ROBO2: variants seen among roughly 807,000 people sequenced by gnomAD.
ROBO2 encodes roundabout homolog 2.
ROBO2 carries 53 observed loss-of-function variants against 160.8 expected under a neutral mutation model. The observed-to-expected ratio is 0.33, with a 90% CI of 0.26 to 0.41. The LOEUF (loss-of-function observed/expected upper bound fraction) is 0.41. ROBO2 is among the 10% of genes least tolerant of loss of function. The pLI is 1.00. For missense variants in ROBO2, 1,577 were observed against 1,722.4 expected (o/e 0.92, Z 1.49); for synonymous variants, 664 against 611.7 (o/e 1.09, Z -1.26).
rs560339308 is a variant in ROBO2 at position 76,760,061 on chromosome 3, G to A, written c.110-337953G>A. On this transcript the variant is annotated intron_variant, in intron 2 of 26. Transcript: ENST00000487694. ...TTGATGAATATGATTTCAAGGAAGT[G>A]GTATGTGAAGCAAAAGAGTGGAGAA... Among the ~76,000 whole-genome samples, 11 of 151,844 alleles carry A rather than the reference G, an allele frequency of 7.2e-5. No homozygotes were observed. The South Asian group carries it at 2.3e-3, about 31-fold the overall frequency.
intron 18 of ROBO2, 89 bp from the exon 20 acceptor site, chr3:77,596,534 C>A: frequency 6.6e-7 from 1 of 1,512,600 alleles, no homozygotes; most frequent in Non-Finnish European, 9.2e-7. Context: ...GAAAATCTTC[C>A]ATTTCTTAAC....
At chr3:77,029,428 A>G (rs2149543913) in intron 2 of ROBO2, among the ~76,000 whole-genome samples, 1 of 152,358 alleles carries the variant, frequency 6.6e-6, no homozygotes, top group African/African-American at 2.4e-5. Flanking sequence ...ATTTTAAAAC[A>G]GGAAAGCTGT....
chr3:76,246,961 A>C (rs527414582), intron 2 of ROBO2, among the ~76,000 whole-genome samples: 19 of 152,278 alleles, frequency 1.2e-4, no homozygotes, highest in African/African-American at 4.6e-4. Context: ...GTAAATTATC[A>C]GGCCTGGAAC....
chr3:76,009,594 C>T (rs556380182), intron 2 of ROBO2, among the ~76,000 whole-genome samples: 1 of 152,138 alleles, frequency 6.6e-6, no homozygotes, highest in South Asian at 2.1e-4. Flanking sequence ...TTTCAGAAAA[C>T]TCAGTCTAGA....
At chr3:76,905,835 C>A (rs1243529790) in intron 2 of ROBO2, among the ~76,000 whole-genome samples, 2 of 152,158 alleles carry the variant, frequency 1.3e-5, no homozygotes, top group Non-Finnish European at 2.9e-5. Flanking sequence ...CCTTTAAAGA[C>A]TTTGATGTAA....
intron 2 of ROBO2, among the ~76,000 whole-genome samples, chr3:77,004,854 T>C (rs2061499920): frequency 6.6e-6 from 1 of 152,176 alleles, no homozygotes; most frequent in Admixed American, 6.5e-5. Flanking sequence ...GTCCCCATCT[T>C]AGACATTTCA....
intron 2 of ROBO2, among the ~76,000 whole-genome samples, chr3:77,230,096 GT>G (rs531019924): frequency 1.0e-4 from 15 of 146,608 alleles, no homozygotes; most frequent in East Asian, 7.9e-4. Context: ...ATGCTAGACA[GT>G]TTTTTTTTTT....
chr3:76,372,843 C>A (rs948681544), intron 2 of ROBO2, among the ~76,000 whole-genome samples: 10 of 151,882 alleles, frequency 6.6e-5, no homozygotes, highest in African/African-American at 2.2e-4. Context: ...AACCCTTCCC[C>A]AGCCTCACCA....
intron 2 of ROBO2, among the ~76,000 whole-genome samples, chr3:77,352,179 T>A (rs2068441148): frequency 6.6e-6 from 1 of 151,120 alleles, no homozygotes; most frequent in Admixed American, 6.6e-5. Flanking sequence ...TTAAACTCGG[T>A]GCAAACCACT....
intron 2 of ROBO2, among the ~76,000 whole-genome samples, chr3:76,176,455 A>G (rs752886899): frequency 6.6e-6 from 1 of 152,188 alleles, no homozygotes; most frequent in African/African-American, 2.4e-5. Flanking sequence ...GTAGCACATG[A>G]TAAACTTCTA....
chr3:76,689,341 C>A (rs986166211), intron 2 of ROBO2, among the ~76,000 whole-genome samples: 30 of 151,978 alleles, frequency 2.0e-4, no homozygotes, highest in African/African-American at 7.0e-4. Context: ...AGAGAAATCA[C>A]ACAGTTAAAC....
chr3:76,130,103 G>A (rs985298389), intron 2 of ROBO2, among the ~76,000 whole-genome samples: 1 of 152,072 alleles, frequency 6.6e-6, no homozygotes, highest in African/African-American at 2.4e-5. Flanking sequence ...TGAAAAGGAT[G>A]TGGAGAGATG....
At chr3:77,495,202 A>G (rs1334424358) in intron 5 of ROBO2, among the ~76,000 whole-genome samples, 1 of 152,236 alleles carries the variant, frequency 6.6e-6, no homozygotes, top group East Asian at 1.9e-4. Flanking sequence ...TAGTGTAAAC[A>G]CAGGTTTATT....
intron 2 of ROBO2, among the ~76,000 whole-genome samples, chr3:76,971,713 G>A (rs2059581307): frequency 6.6e-6 from 1 of 152,292 alleles, no homozygotes; most frequent in South Asian, 2.1e-4. Flanking sequence ...TTTTGCATGT[G>A]CTTTACAATT....
At chr3:76,132,395 G>GGT (rs1553653744) in intron 2 of ROBO2, among the ~76,000 whole-genome samples, 3 of 43,974 alleles carry the variant, frequency 6.8e-5, no homozygotes, top group Non-Finnish European at 1.1e-4. Flanking sequence ...CCAGACTGTT[G>GGT]GGGGGGGGGG....
intron 7 of ROBO2, among the ~76,000 whole-genome samples, chr3:77,549,766 T>C (rs1367891300): frequency 6.6e-6 from 1 of 152,028 alleles, no homozygotes; most frequent in Non-Finnish European, 1.5e-5. Context: ...GGTAAAAACA[T>C]TTTAAGGTGA....
At chr3:77,323,563 C>G (rs2065039839) in intron 2 of ROBO2, among the ~76,000 whole-genome samples, 1 of 152,128 alleles carries the variant, frequency 6.6e-6, no homozygotes, top group African/African-American at 2.4e-5. Context: ...TTTAATCACA[C>G]CAAGTGCATG....
At chr3:76,510,006 C>T (rs969945778) in intron 2 of ROBO2, among the ~76,000 whole-genome samples, 12 of 152,046 alleles carry the variant, frequency 7.9e-5, no homozygotes, top group African/African-American at 1.2e-4. Context: ...AGGTGCAATA[C>T]GTCTTTTCTG....
intron 1 of ROBO2, among the ~76,000 whole-genome samples, chr3:77,079,207 A>G (rs2068355042): frequency 1.3e-5 from 2 of 152,208 alleles, no homozygotes; most frequent in Non-Finnish European, 2.9e-5. Context: ...TCAGCCTCCC[A>G]AAGTGCTGGG....
Sources: allele counts gnomAD v4.1 joint callset (sites outside exome capture counted in the v4.1 genomes callset), GRCh38; gene constraint gnomAD v4.1.1; transcripts MANE v1.5; gene names NCBI Gene and HGNC (gene_info 2026-07-23, HGNC 2026-07-21).